Variants in NRXN1 observed in about 807,000 individuals in gnomAD.
The protein encoded by NRXN1 is neurexin 1, also known as neurexin-1.
A neutral mutation model predicts 150.9 loss-of-function variants in NRXN1; 39 were observed. That is an observed-to-expected ratio of 0.26 (90% CI 0.20 to 0.34). NRXN1 has a LOEUF of 0.34. NRXN1 is among the 10% of genes least tolerant of loss of function. The pLI is 1.00. For missense variants in NRXN1, 1,815 were observed against 1,949.9 expected, an observed-to-expected ratio of 0.93 and a Z score of 1.30; for synonymous variants, 924 against 757.0, an observed-to-expected ratio of 1.22 and a Z score of -3.62.
At chr2:50,811,759 A>T (rs1668245249) in intron 5 of NRXN1, among the ~76,000 whole-genome samples, 1 of 152,184 alleles carries the variant, frequency 6.6e-6, no homozygotes, top group South Asian at 2.1e-4. Context: ...AAAAGAAGAT[A>T]AAAATCTAAT....
rs193191169 is a variant in NRXN1 at position 50,780,797 on chromosome 2, T to C, written c.832+141072A>G. Among the ~76,000 whole-genome samples, 298 of 152,318 alleles carry C rather than the reference T, an allele frequency of 2.0e-3. 2 individuals are homozygous for C. Among genetic ancestry groups the C allele is most frequent in the Non-Finnish European group, 1.3e-3 (91 of 68,030 alleles). The stretch of plus-strand genomic sequence containing the variant: ...ATGATATGAAATGACTAATCTCCAT[T>C]AAAATGTTACAAGTCTGTTTTGTGT... On this transcript the variant is annotated intron_variant, in intron 5 of 22. Transcript: ENST00000401669.
chr2:49,993,944 C>T (rs911456635), intron 21 of NRXN1, among the ~76,000 whole-genome samples: 3 of 152,090 alleles, frequency 2.0e-5, no homozygotes, highest in Non-Finnish European at 2.9e-5. Context: ...TTCTGTCAAC[C>T]TTTCAAAATC....
intron 13 of NRXN1, among the ~76,000 whole-genome samples, chr2:50,499,813 T>A (rs546273020): frequency 1.3e-5 from 2 of 151,638 alleles, no homozygotes; most frequent in Non-Finnish European, 2.9e-5. Flanking sequence ...CTGGGCGTGG[T>A]GGTGGGCGCC....
intron 18 of NRXN1, chr2:50,207,793 G>A (rs997828931): frequency 3.7e-5 from 6 of 164,368 alleles, no homozygotes; most frequent in Admixed American, 2.6e-4. Flanking sequence ...ATTTGGGAAA[G>A]TTCTCTTAAT....
chr2:50,320,294 A>ACATATG (rs1558518896), intron 17 of NRXN1, among the ~76,000 whole-genome samples: 5 of 101,536 alleles, frequency 4.9e-5, no homozygotes, highest in African/African-American at 2.3e-4. Flanking sequence ...ATATATATAT[A>ACATATG]TATATATATA....
intron 18 of NRXN1, among the ~76,000 whole-genome samples, chr2:50,115,217 G>GTATATATATATATATATATA (rs35673922): frequency 3.7e-5 from 5 of 134,924 alleles, no homozygotes; most frequent in Admixed American, 7.6e-5. Context: ...TATGTTATGT[G>GTATATATATATATATATATA]TATATATATA....
chr2:50,733,046 T>A (rs1035344495), intron 5 of NRXN1, among the ~76,000 whole-genome samples: 1 of 152,158 alleles, frequency 6.6e-6, no homozygotes, highest in Non-Finnish European at 1.5e-5. Context: ...AGAACAGAAT[T>A]ATTAATGTAA....
chr2:50,392,754 A>T (rs2103831662), intron 17 of NRXN1, among the ~76,000 whole-genome samples: 1 of 152,236 alleles, frequency 6.6e-6, no homozygotes, highest in East Asian at 1.9e-4. Flanking sequence ...AGTAGAGAAA[A>T]GTTTTCAAAT....
At chr2:50,084,556 C>T (rs982955149) in intron 19 of NRXN1, among the ~76,000 whole-genome samples, 4 of 152,200 alleles carry the variant, frequency 2.6e-5, no homozygotes, top group African/African-American at 9.6e-5. Flanking sequence ...CCTGCAAGCG[C>T]CGCACGCAGC....
intron 2 of NRXN1, among the ~76,000 whole-genome samples, chr2:50,974,782 C>A (rs530096799): frequency 1.8e-4 from 27 of 152,078 alleles, no homozygotes; most frequent in Non-Finnish European, 2.6e-4. Flanking sequence ...AACTACAGTG[C>A]CTAATAATTT....
intron 8 of NRXN1, among the ~76,000 whole-genome samples, chr2:50,582,886 T>A (rs1244427061): frequency 2.0e-5 from 3 of 152,102 alleles, no homozygotes; most frequent in African/African-American, 7.2e-5. Context: ...TTCACAGCTG[T>A]CACTCACTTG....
intron 5 of NRXN1, among the ~76,000 whole-genome samples, chr2:50,882,119 A>C (rs1442231109): frequency 6.6e-6 from 1 of 151,908 alleles, no homozygotes; most frequent in African/African-American, 2.4e-5. Context: ...TTAAAAAGTT[A>C]AAGTAGAATT....
chr2:50,793,664 G>C (rs895879866), intron 5 of NRXN1, among the ~76,000 whole-genome samples: 1 of 151,988 alleles, frequency 6.6e-6, no homozygotes, highest in African/African-American at 2.4e-5. Context: ...TTAGCCTTGG[G>C]CAGGGTAAAC....
chr2:50,881,999 A>T (rs1464470471), intron 5 of NRXN1, among the ~76,000 whole-genome samples: 2 of 151,850 alleles, frequency 1.3e-5, no homozygotes, highest in Admixed American at 6.6e-5. Flanking sequence ...AGTGTCTGGA[A>T]GCAAAACATA....
intron 5 of NRXN1, among the ~76,000 whole-genome samples, chr2:50,681,849 C>T (rs1056923982): frequency 1.3e-5 from 2 of 149,006 alleles, no homozygotes; most frequent in Non-Finnish European, 3.0e-5. Flanking sequence ...ATAGTTACCT[C>T]ATGGCTGGAA....
At chr2:50,643,992 G>A (rs541685564) in intron 5 of NRXN1, among the ~76,000 whole-genome samples, 1 of 151,822 alleles carries the variant, frequency 6.6e-6, no homozygotes, top group South Asian at 2.1e-4. Flanking sequence ...CCTATTCAGA[G>A]GCACAAAGTT....
intron 17 of NRXN1, among the ~76,000 whole-genome samples, chr2:50,312,320 G>A (rs2152965061): frequency 6.6e-6 from 1 of 152,126 alleles, no homozygotes; most frequent in Admixed American, 6.6e-5. Flanking sequence ...TGCAGAGTTG[G>A]AGGACAGTCA....
chr2:50,007,163 C>T (rs954365969), intron 21 of NRXN1, among the ~76,000 whole-genome samples: 5 of 151,440 alleles, frequency 3.3e-5, no homozygotes, highest in African/African-American at 9.7e-5. Flanking sequence ...GATAACAAAG[C>T]GAGACCTTGT....
At chr2:50,852,206 C>T (rs1464992641) in intron 5 of NRXN1, among the ~76,000 whole-genome samples, 2 of 152,132 alleles carry the variant, frequency 1.3e-5, no homozygotes, top group African/African-American at 4.8e-5. Flanking sequence ...GCACTAGTCA[C>T]TCATAGCTTT....
Sources: allele counts gnomAD v4.1 joint callset (sites outside exome capture counted in the v4.1 genomes callset), GRCh38; gene constraint gnomAD v4.1.1; transcripts MANE v1.5; gene names NCBI Gene and HGNC (gene_info 2026-07-23, HGNC 2026-07-21).